The following EDA variants were observed in gnomAD, a reference collection of about 807,000 sequenced individuals.
EDA encodes the protein ectodysplasin-A.
Under a neutral mutation model 23.6 loss-of-function variants are expected in EDA, and 2 were observed. The ratio of observed to expected loss-of-function variants is 0.08; its 90% CI spans 0.03 to 0.27. The LOEUF is 0.27. Ranked by LOEUF, EDA falls within the 10% of genes least tolerant of loss-of-function variation. EDA has a pLI of 1.00. For synonymous variants in EDA, 131 were observed against 132.0 expected (o/e 0.99, Z 0.05); for missense variants, 229 against 324.2 (o/e 0.71, Z 2.26).
At position 69,941,335 on chromosome X, in the gene EDA, C is replaced by G. The variant is rs377562978; in HGVS notation, c.397-15692C>G. 4.5e-5 allele frequency among the ~76,000 whole-genome samples: 5 copies of G among 111,695 alleles called. No individual in the cohort carries two copies. The East Asian group carries it at 1.1e-3, about 25-fold the overall frequency. On this transcript the variant is annotated intron_variant, in intron 1 of 7. Transcript: ENST00000374552. ...TGATGCTTCTTTGTTCATTTTCTGT[C>G]TGGATGATGTATCCAATGCTGAAAG...
chrX:69,857,104 C>A (rs2017273612), intron 1 of EDA, among the ~76,000 whole-genome samples: 1 of 111,775 alleles, frequency 8.9e-6, no homozygotes, highest in Non-Finnish European at 1.9e-5. Flanking sequence ...TGCCAATTAT[C>A]CCAGAACCGG....
At chrX:69,951,118 A>G (rs1426305292) in intron 1 of EDA, among the ~76,000 whole-genome samples, 4 of 109,700 alleles carry the variant, frequency 3.6e-5, no homozygotes, top group East Asian at 5.7e-4. Flanking sequence ...AGAAAAAAAA[A>G]GATATGAAAG....
Position 69,973,435 on chromosome X carries a change from A to G in EDA, c.502+16303A>G, listed in dbSNP as rs959306580. 4.7e-4 allele frequency among the ~76,000 whole-genome samples: 53 copies of G among 111,931 alleles called. 1 individual carries two copies. The highest frequency in any genetic ancestry group is 1.9e-5 in the Non-Finnish European group (1 of 53,171). On this transcript the variant is annotated intron_variant, in intron 2 of 7. Transcript: ENST00000374552. ...GCTCTAACACCACGTGGTCCAGTCC[A>G]GTAGAGCAAACAAAGATTGTAAAAC...
At chrX:69,616,798 C>G (rs1931977526) in intron 1 of EDA, 94 bp downstream of exon 1, 2 of 1,124,431 alleles carry the variant, frequency 1.8e-6, no homozygotes, top group Non-Finnish European at 2.4e-6. Context: ...TCAGCAACCT[C>G]GAGCCAATTT....
chrX:69,865,723 C>T (rs1286002557), intron 1 of EDA, among the ~76,000 whole-genome samples: 2 of 111,699 alleles, frequency 1.8e-5, no homozygotes, highest in Non-Finnish European at 3.8e-5. Flanking sequence ...AACCCATACA[C>T]ATCTCCTGAG....
At chrX:69,710,038 T>G (rs2011914855) in intron 1 of EDA, among the ~76,000 whole-genome samples, 1 of 111,961 alleles carries the variant, frequency 8.9e-6, no homozygotes, top group African/African-American at 3.2e-5. Context: ...TTGTTGCCAT[T>G]GCTTTTGGTG....
At chrX:69,637,401 G>A (rs1198963815) in intron 1 of EDA, among the ~76,000 whole-genome samples, 2 of 111,694 alleles carry the variant, frequency 1.8e-5, no homozygotes, top group Non-Finnish European at 3.8e-5. Context: ...CTAATGGAAT[G>A]AGCCAGCTGC....
At chrX:69,819,908 A>AC (rs1569342658) in intron 1 of EDA, among the ~76,000 whole-genome samples, 2 of 102,022 alleles carry the variant, frequency 2.0e-5, no homozygotes, top group African/African-American at 7.2e-5. Flanking sequence ...CAAAAAAAAA[A>AC]AAAAACAAAA....
At chrX:69,888,978 T>TAGATATATATATATATATATATATATATA (rs1556026049) in intron 1 of EDA, among the ~76,000 whole-genome samples, 3 of 16,030 alleles carry the variant, frequency 1.9e-4, no homozygotes, top group Non-Finnish European at 3.1e-4. Flanking sequence ...TGTGGGGTAG[T>TAGATATATATATATATATATATATATATA]TATATATATA....
intron 1 of EDA, among the ~76,000 whole-genome samples, chrX:69,926,532 CGAT>C (rs2018521006): frequency 1.8e-5 from 2 of 110,744 alleles, no homozygotes; most frequent in African/African-American, 6.6e-5. Flanking sequence ...CTGTTTGTTA[CGAT>C]GTCAGTTCTT....
intron 1 of EDA, among the ~76,000 whole-genome samples, chrX:69,899,423 C>G (rs1023466793): frequency 1.8e-5 from 2 of 111,307 alleles, no homozygotes; most frequent in Non-Finnish European, 3.8e-5. Context: ...ATGAGAAATA[C>G]AGTATTCCTA....
chrX:69,842,695 G>C (rs903749440), intron 1 of EDA, among the ~76,000 whole-genome samples: 1 of 111,918 alleles, frequency 8.9e-6, no homozygotes, highest in Non-Finnish European at 1.9e-5. Flanking sequence ...TGGAGGTGGC[G>C]CCTGGTGGCA....
At chrX:69,707,372 G>A (rs1027152115) in intron 1 of EDA, among the ~76,000 whole-genome samples, 9 of 111,841 alleles carry the variant, frequency 8.0e-5, no homozygotes, top group Non-Finnish European at 1.3e-4. Flanking sequence ...GAAGCCTTTG[G>A]GGGCTTCTTC....
intron 1 of EDA, among the ~76,000 whole-genome samples, chrX:69,897,637 T>G (rs899368331): frequency 8.9e-6 from 1 of 112,020 alleles, no homozygotes; most frequent in Non-Finnish European, 1.9e-5. Flanking sequence ...AGATAGATGT[T>G]TAATGACAAA....
At chrX:69,771,965 AC>A (rs2014652704) in intron 1 of EDA, among the ~76,000 whole-genome samples, 2 of 111,464 alleles carry the variant, frequency 1.8e-5, no homozygotes, top group Non-Finnish European at 3.8e-5. Context: ...TAATTTTTTA[AC>A]ATTTTTTTGA....
intron 1 of EDA, among the ~76,000 whole-genome samples, chrX:69,706,510 G>A (rs1476740831): frequency 9.0e-6 from 1 of 110,727 alleles, no homozygotes; most frequent in Non-Finnish European, 1.9e-5. Flanking sequence ...CTGAGAATAT[G>A]TGCCCAAGGT....
chrX:70,018,363 A>G (rs188026283), intron 2 of EDA, among the ~76,000 whole-genome samples: 1 of 112,375 alleles, frequency 8.9e-6, no homozygotes, highest in East Asian at 2.8e-4. Context: ...TAAAATTCAT[A>G]TGGAACCAAA....
At chrX:69,760,723 C>A (rs756792641) in intron 1 of EDA, among the ~76,000 whole-genome samples, 4 of 111,557 alleles carry the variant, frequency 3.6e-5, no homozygotes, top group African/African-American at 1.3e-4. Flanking sequence ...GTTAGTACAC[C>A]GAGTATACAG....
chrX:69,945,159 G>A (rs1198117572), intron 1 of EDA, among the ~76,000 whole-genome samples: 1 of 111,575 alleles, frequency 9.0e-6, no homozygotes, highest in Non-Finnish European at 1.9e-5. Context: ...CTGATTTTTG[G>A]TTCTTATTAA....
Sources: gnomAD v4.1 joint callset for allele counts (sites outside exome capture counted in the v4.1 genomes callset) on GRCh38, gnomAD v4.1.1 for gene constraint, MANE v1.5 for transcripts, NCBI Gene and HGNC (gene_info 2026-07-23, HGNC 2026-07-21) for gene names.